SIM1: variants seen among roughly 807,000 people sequenced by gnomAD.
The protein encoded by SIM1 is SIM bHLH transcription factor 1.
A neutral mutation model predicts 78.2 loss-of-function variants in SIM1; 18 were observed. The observed-to-expected ratio is 0.23, with a 90% CI of 0.16 to 0.34. The LOEUF (loss-of-function observed/expected upper bound fraction) is 0.34, where lower values mean the gene tolerates loss of function less well. Ranked by LOEUF, SIM1 falls within the 10% of genes least tolerant of loss-of-function variation. The pLI is 1.00. For synonymous variants in SIM1, 417 were observed against 385.2 expected (o/e 1.08, Z -0.97); for missense variants, 939 against 975.1 (o/e 0.96, Z 0.49).
At position 100,453,804 on chromosome 6, in the gene SIM1, G is replaced by C; in HGVS notation, c.216C>G (p.Pro72=). The C allele has an allele frequency of 6.2e-7, 1 of 1,612,386 alleles. No homozygotes were observed. The highest frequency in any genetic ancestry group is 8.5e-7 in the Non-Finnish European group (1 of 1,179,244). Residue 72 remains proline (P), a synonymous_variant, in exon 3 of 12, where the codon CCC becomes CCG. Transcript: ENST00000369208. ...CCAGTTCTCGGCCAACGTTGTCCAG[G>C]GGGCTGGTCCGACTTGAGTGGCCCC... ...EAWGHSSRTS[P]LDNVGRELGS...
At chr6:100,461,422 G>C (rs575196669) in intron 2 of SIM1, among the ~76,000 whole-genome samples, 8 of 152,196 alleles carry the variant, frequency 5.3e-5, no homozygotes, top group Non-Finnish European at 1.0e-4. Context: ...TCTCCCGGCC[G>C]GCTCGGTGCC....
chr6:100,425,218 C>T (rs1488597646), intron 9 of SIM1, among the ~76,000 whole-genome samples: 1 of 152,198 alleles, frequency 6.6e-6, no homozygotes, highest in Non-Finnish European at 1.5e-5. Flanking sequence ...ATTCTGAGGC[C>T]TCCCCAGACA....
In SIM1 at chr6:100,453,770, G is replaced by A; in HGVS notation, c.250C>T (p.Leu84=). Residue 84 remains leucine, a synonymous_variant, in exon 3 of 12, where the codon CTG becomes TTG. Coordinates refer to ENST00000369208, the MANE Select transcript of SIM1 (RefSeq NM_005068.3). ...DNVGRELGSH[L]LQTLDGFIFV... ...AAGACCTGCACCTGTACCTGGAGCA[G>A]ATGGGAGCCCAGTTCTCGGCCAACG... 3 of 1,611,306 alleles carry A rather than the reference G, an allele frequency of 1.9e-6. No homozygotes were observed. The highest frequency in any genetic ancestry group is 1.7e-6 in the Non-Finnish European group (2 of 1,178,656).
chr6:100,438,957 A>G (rs1772134241), intron 9 of SIM1, among the ~76,000 whole-genome samples: 1 of 152,166 alleles, frequency 6.6e-6, no homozygotes, highest in South Asian at 2.1e-4. Context: ...TGGGGCTTCC[A>G]GGGGAAAGGT....
Position 100,390,784 on chromosome 6 carries a change from G to C in SIM1, c.1878C>G (p.Asn626Lys), listed in dbSNP as rs769439842. 1 of 1,614,150 alleles carries C rather than the reference G, an allele frequency of 6.2e-7. No individual in the cohort carries two copies. The highest frequency in any genetic ancestry group is 8.5e-7 in the Non-Finnish European group (1 of 1,180,010). ...GEVCHGSALA[N>K]TSPCDHIQQR... ...GCTGGATATGGTCACATGGTGAAGTGTTGGCAAGAGCAGAGCCATGGCAGA... is the reference window on the plus strand; with the variant it reads ...GCTGGATATGGTCACATGGTGAAGTCTTGGCAAGAGCAGAGCCATGGCAGA... The change falls in exon 12 of 12, where the codon AAC becomes AAG. Residue 626 changes from asparagine to lysine, a missense_variant. Coordinates refer to ENST00000369208, the MANE Select transcript of SIM1 (RefSeq NM_005068.3).
chr6:100,404,944 T>C (rs1771019174), intron 10 of SIM1, among the ~76,000 whole-genome samples: 1 of 152,178 alleles, frequency 6.6e-6, no homozygotes, highest in Non-Finnish European at 1.5e-5. Context: ...TTTTAGTACC[T>C]AGAAAATACA....
At chr6:100,408,506 G>T (rs1003429463) in intron 10 of SIM1, among the ~76,000 whole-genome samples, 2 of 151,968 alleles carry the variant, frequency 1.3e-5, no homozygotes, top group African/African-American at 2.4e-5. Flanking sequence ...CCTGGTCTTA[G>T]AGGGAAAGTT....
intron 10 of SIM1, among the ~76,000 whole-genome samples, chr6:100,416,064 A>G (rs1306873933): frequency 6.6e-6 from 1 of 151,910 alleles, no homozygotes; most frequent in Non-Finnish European, 1.5e-5. Flanking sequence ...TAAGCACAAC[A>G]AAGAGACACA....
intron 10 of SIM1, among the ~76,000 whole-genome samples, chr6:100,409,828 A>C (rs1771148080): frequency 1.3e-5 from 2 of 152,000 alleles, no homozygotes; most frequent in Admixed American, 6.6e-5. Flanking sequence ...TGAAATTGCA[A>C]ATTTTTCAAT....
chr6:100,431,344 A>T (rs1451405163), intron 9 of SIM1, among the ~76,000 whole-genome samples: 1 of 152,142 alleles, frequency 6.6e-6, no homozygotes, highest in Non-Finnish European at 1.5e-5. Context: ...ATGTTCTTTA[A>T]TTGGATTCAT....
At chr6:100,415,663 A>G (rs1216160505) in intron 10 of SIM1, among the ~76,000 whole-genome samples, 1 of 152,184 alleles carries the variant, frequency 6.6e-6, no homozygotes, top group Non-Finnish European at 1.5e-5. Context: ...TTCATCTATT[A>G]ATGCAGACAA....
At chr6:100,453,984 G>A in intron 2 of SIM1, 140 bp from the exon 3 acceptor site, 6 of 539,154 alleles carry the variant, frequency 1.1e-5, no homozygotes, top group South Asian at 1.0e-4. Context: ...AGTGGACAGC[G>A]GGGGATGGGA....
intron 9 of SIM1, among the ~76,000 whole-genome samples, chr6:100,422,941 T>A (rs1392741370): frequency 6.6e-6 from 1 of 152,186 alleles, no homozygotes; most frequent in African/African-American, 2.4e-5. Context: ...CAATGATGTA[T>A]ATCAGCAAAT....
intron 10 of SIM1, among the ~76,000 whole-genome samples, chr6:100,410,411 T>G (rs1771163648): frequency 6.6e-6 from 1 of 152,188 alleles, no homozygotes; most frequent in Non-Finnish European, 1.5e-5. Flanking sequence ...CTGCCTGATT[T>G]CTTTTTTGAC....
At chr6:100,396,070 C>T (rs1047798317) in intron 10 of SIM1, 11 of 983,616 alleles carry the variant, frequency 1.1e-5, no homozygotes, top group Admixed American at 6.2e-5. Flanking sequence ...TCATGCCTTC[C>T]GCATGCCATC....
chr6:100,444,150 C>T (rs1468848929), intron 9 of SIM1, among the ~76,000 whole-genome samples: 1 of 151,982 alleles, frequency 6.6e-6, no homozygotes, highest in African/African-American at 2.4e-5. Flanking sequence ...TCCATCTGAA[C>T]TGGCTATGAA....
chr6:100,405,197 A>G (rs1239735833), intron 10 of SIM1, among the ~76,000 whole-genome samples: 1 of 152,104 alleles, frequency 6.6e-6, no homozygotes, highest in Non-Finnish European at 1.5e-5. Context: ...AATTTAATTC[A>G]ATTACATACA....
At chr6:100,420,578 T>C (rs527366990) in intron 10 of SIM1, among the ~76,000 whole-genome samples, 1 of 152,310 alleles carries the variant, frequency 6.6e-6, no homozygotes, top group African/African-American at 2.4e-5. Context: ...TCATGACCTT[T>C]ATATTAATGC....
At chr6:100,439,426 A>G (rs1452586823) in intron 9 of SIM1, among the ~76,000 whole-genome samples, 1 of 152,222 alleles carries the variant, frequency 6.6e-6, no homozygotes, top group East Asian at 1.9e-4. Flanking sequence ...CAAGTATACT[A>G]TAACATTGCA....
Sources: gnomAD v4.1 joint callset for allele counts (sites outside exome capture counted in the v4.1 genomes callset) on GRCh38, gnomAD v4.1.1 for gene constraint, MANE v1.5 for transcripts, NCBI Gene and HGNC (gene_info 2026-07-23, HGNC 2026-07-21) for gene names.